The following TMEM255B variants were observed in gnomAD, a reference collection of about 807,000 sequenced individuals.
TMEM255B encodes transmembrane protein 255B.
TMEM255B carries 35 observed loss-of-function variants against 34.5 expected under a neutral mutation model. That is an observed-to-expected ratio of 1.01 (90% confidence interval 0.77 to 1.34). The LOEUF is 1.34. TMEM255B is among the 40% of genes most tolerant of loss of function. TMEM255B has a pLI of 0.00. For synonymous variants in TMEM255B, 206 were observed against 201.2 expected, an observed-to-expected ratio of 1.02 and a Z score of -0.20; for missense variants, 432 against 433.2, an observed-to-expected ratio of 1.00 and a Z score of 0.02.
intron 3 of TMEM255B, among the ~76,000 whole-genome samples, chr13:113,772,045 G>T (rs1164077328): frequency 6.6e-6 from 1 of 152,182 alleles, no homozygotes; most frequent in African/African-American, 2.4e-5. Context: ...CATCTAATGT[G>T]TGATAAGTGG....
chr13:113,812,006 G>A lies in TMEM255B; in HGVS notation c.*103G>A. ...GGCCAACCTCCTAGAGAACCCGGGAGAATGTTCCAGAAGTCTGTCCCCTCC... is the reference window on the plus strand; with the variant it reads ...GGCCAACCTCCTAGAGAACCCGGGAAAATGTTCCAGAAGTCTGTCCCCTCC... On this transcript the variant is annotated 3_prime_UTR_variant, in exon 9 of 9. Coordinates refer to ENST00000375353, the MANE Select transcript of TMEM255B (RefSeq NM_182614.4). 7.2e-7 allele frequency: 1 copy of A among 1,392,152 alleles called. No individual in the cohort carries two copies. The highest frequency in any genetic ancestry group is 9.8e-7 in the Non-Finnish European group (1 of 1,023,492). The allele number at this position is 1,392,152 out of a possible 1,614,324, so 86.2% of individuals were successfully genotyped here. A position where few individuals can be genotyped will look rare whatever the true frequency, so the allele number is the denominator to read the frequency against.
At chr13:113,786,524 A>G (rs1186121961) in intron 3 of TMEM255B, among the ~76,000 whole-genome samples, 1 of 54,200 alleles carries the variant, frequency 1.8e-5, no homozygotes, top group African/African-American at 4.1e-5. Flanking sequence ...CACCATTGTC[A>G]CCACTGTCAT....
intron 3 of TMEM255B, among the ~76,000 whole-genome samples, chr13:113,776,929 T>C (rs1004443400): frequency 1.3e-5 from 2 of 152,102 alleles, no homozygotes; most frequent in African/African-American, 4.8e-5. Flanking sequence ...TATGGATGCA[T>C]TGGTTACGAG....
chr13:113,804,375 C>T (rs1281450995), intron 7 of TMEM255B, among the ~76,000 whole-genome samples: 1 of 152,210 alleles, frequency 6.6e-6, no homozygotes, highest in Non-Finnish European at 1.5e-5. Flanking sequence ...AGAGGGCCCT[C>T]CCCACCTGCA....
intron 3 of TMEM255B, among the ~76,000 whole-genome samples, chr13:113,782,693 G>C (rs2050684225): frequency 6.6e-6 from 1 of 150,428 alleles, no homozygotes; most frequent in Non-Finnish European, 1.5e-5. Context: ...GCTTCATTAT[G>C]AGCCCCACCT....
intron 2 of TMEM255B, chr13:113,768,892 A>T: frequency 1.5e-6 from 1 of 668,566 alleles, no homozygotes; most frequent in Non-Finnish European, 2.8e-6. Context: ...AGCAGAGAAG[A>T]CAGGACAGGT....
intron 8 of TMEM255B, among the ~76,000 whole-genome samples, chr13:113,808,886 G>GGGGGA (rs2051242754): frequency 1.4e-5 from 2 of 148,088 alleles, no homozygotes; most frequent in Admixed American, 6.7e-5. Flanking sequence ...GTGGTTCCTG[G>GGGGGA]GGGTTTGCTC....
Position 113,769,496 on chromosome 13 carries a change from C to A in TMEM255B, c.252+336C>A. Reference sequence around the variant, plus strand: ...AAATTAAGTCCTAGTGTGTAAAGTTCAGGCAAAAACATGTGCATAAGCCTC... The same window carrying A: ...AAATTAAGTCCTAGTGTGTAAAGTTAAGGCAAAAACATGTGCATAAGCCTC... On this transcript the variant is annotated intron_variant, in intron 3 of 8. Transcript: ENST00000375353. The surrounding 1 kb of genome is among the most constrained non-coding windows in gnomAD (Gnocchi z 4.2). The A allele has an allele frequency of 3.7e-6, 1 of 267,142 alleles. No individual in the cohort carries two copies. Among genetic ancestry groups the A allele is most frequent in the Admixed American group, 4.6e-5 (1 of 21,896 alleles). 16.5% of individuals were successfully genotyped at this position (267,142 alleles called of 1,614,324 possible).
At chr13:113,789,430 T>C (rs989173963) in intron 3 of TMEM255B, among the ~76,000 whole-genome samples, 8 of 152,196 alleles carry the variant, frequency 5.3e-5, no homozygotes, top group African/African-American at 1.7e-4. Flanking sequence ...ATGCACGTTC[T>C]AGGTCACAAA....
chr13:113,795,566 A>C lies in TMEM255B; in HGVS notation c.342+329A>C, dbSNP rs567290099. On this transcript the variant is annotated intron_variant, in intron 4 of 8. Coordinates refer to ENST00000375353, the MANE Select transcript of TMEM255B (RefSeq NM_182614.4). ...ACACACAACACAGCACACACCACAC[A>C]ACACACAGAGCACACAGCACACACA... 3.5e-3 allele frequency among the ~76,000 whole-genome samples: 505 copies of C among 144,224 alleles called. 1 individual carries two copies. The highest frequency in any genetic ancestry group is 0.013 in the African/African-American group (480 of 38,342). 94.6% of individuals were successfully genotyped at this position (144,224 alleles called of 152,430 possible).
At chr13:113,807,362 G>C (rs557919393) in intron 8 of TMEM255B, among the ~76,000 whole-genome samples, 1 of 145,136 alleles carries the variant, frequency 6.9e-6, no homozygotes, top group East Asian at 2.1e-4. Context: ...CCCGTCACAC[G>C]AGGGCTTACG....
At chr13:113,778,780 C>T (rs1482329889) in intron 3 of TMEM255B, among the ~76,000 whole-genome samples, 2 of 152,232 alleles carry the variant, frequency 1.3e-5, no homozygotes, top group African/African-American at 4.8e-5. Flanking sequence ...ACTAACCTGA[C>T]ATTAGGTTTT....
rs145382741 is a variant in TMEM255B at position 113,768,630 on chromosome 13, A to G, written c.190-468A>G. Among the ~76,000 whole-genome samples the G allele has an allele frequency of 5.7e-3, 872 of 152,282 alleles. 6 individuals carry two copies. The highest frequency in any genetic ancestry group is 6.7e-3 in the Non-Finnish European group (455 of 68,010). On this transcript the variant is annotated intron_variant, in intron 2 of 8. Coordinates refer to ENST00000375353, the MANE Select transcript of TMEM255B (RefSeq NM_182614.4). ...CTCACTCTCCCGAAGCAGCAACCAGAGTTAGGCCGTCTGAGCAGGGGTCAC... is the reference window on the plus strand; with the variant it reads ...CTCACTCTCCCGAAGCAGCAACCAGGGTTAGGCCGTCTGAGCAGGGGTCAC...
At position 113,816,023 on chromosome 13, in the gene TMEM255B, C is replaced by T. The variant is rs895766271; in HGVS notation, c.*4120C>T. 2 of 184,930 alleles carry T rather than the reference C, an allele frequency of 1.1e-5. No homozygotes were observed. The highest frequency in any genetic ancestry group is 2.4e-5 in the African/African-American group (1 of 41,528). 11.5% of individuals were successfully genotyped at this position (184,930 alleles called of 1,614,324 possible). ...ACTGCTCAGGGACACGGGTTCTTTT[C>T]GGGGAGGCAAGCGTGTTCGCAGCGT... On this transcript the variant is annotated 3_prime_UTR_variant, in exon 9 of 9. Transcript: ENST00000375353.
At chr13:113,792,173 G>A (rs182443181) in intron 3 of TMEM255B, among the ~76,000 whole-genome samples, 247 of 152,378 alleles carry the variant, frequency 1.6e-3, no homozygotes, top group African/African-American at 5.6e-3. Context: ...CATTTTTAAT[G>A]TATTTTACGT....
intron 1 of TMEM255B, among the ~76,000 whole-genome samples, chr13:113,761,770 A>G (rs2050312314): frequency 1.3e-5 from 2 of 152,350 alleles, no homozygotes; most frequent in Middle Eastern, 3.4e-3. Flanking sequence ...GGTGGTTCTC[A>G]TGATTTCCAT....
chr13:113,778,107 A>C (rs896490421), intron 3 of TMEM255B, among the ~76,000 whole-genome samples: 4 of 152,238 alleles, frequency 2.6e-5, no homozygotes, highest in Non-Finnish European at 5.9e-5. Context: ...CTGTAGAGGA[A>C]GGCTCGGAAC....
Position 113,772,693 on chromosome 13 carries a change from C to T in TMEM255B, c.252+3533C>T, listed in dbSNP as rs571896481. On this transcript the variant is annotated intron_variant, in intron 3 of 8. Coordinates refer to ENST00000375353, the MANE Select transcript of TMEM255B (RefSeq NM_182614.4). ...TTTTCTCATTGAATGGTCTTGGCAC[C>T]CTTGTTGAAAATTAATTGGCCATAC... is the stretch of plus-strand genomic sequence containing the variant. 2.0e-5 allele frequency among the ~76,000 whole-genome samples: 3 copies of T among 152,240 alleles called. No individual in the cohort carries two copies. The East Asian group carries it at 5.8e-4, about 29-fold the overall frequency.
In TMEM255B at chr13:113,804,998, G is replaced by C; in HGVS notation, c.783G>C (p.Pro261=). 1 of 1,605,592 alleles carries C rather than the reference G, an allele frequency of 6.2e-7. No homozygotes were observed. The highest frequency in any genetic ancestry group is 2.2e-5 in the East Asian group (1 of 44,786). ...AGFRLTPEPV[P]TCSSYPLPLQ... is the part of the protein sequence containing the mutation. ...TCCGCCTGACGCCCGAGCCCGTCCC[G>C]ACCTGCTCGTCCTACCCTCTGCCCC... Residue 261 remains proline, a synonymous_variant, in exon 8 of 9, where the codon CCG becomes CCC. Transcript: ENST00000375353.
Sources: allele counts gnomAD v4.1 joint callset (sites outside exome capture counted in the v4.1 genomes callset), GRCh38; gene constraint gnomAD v4.1.1; non-coding constraint Gnocchi (gnomAD v3.1); transcripts MANE v1.5; gene names NCBI Gene and HGNC (gene_info 2026-07-23, HGNC 2026-07-21).